Variants in EXOSC5 observed in about 807,000 individuals in gnomAD.
EXOSC5 encodes the protein exosome complex component RRP46.
EXOSC5 carries 15 observed loss-of-function variants against 23.7 expected under a neutral mutation model. The ratio of observed to expected loss-of-function variants is 0.63; its 90% CI spans 0.42 to 0.97. The LOEUF (loss-of-function observed/expected upper bound fraction) is 0.97, where lower values mean the gene tolerates loss of function less well. Among genes scored for constraint, EXOSC5 ranks in the 50% least tolerant of loss-of-function variants. EXOSC5 has a pLI of 0.00. For missense variants in EXOSC5, 305 were observed against 316.3 expected (o/e 0.96, Z 0.27); for synonymous variants, 143 against 140.9 (o/e 1.02, Z -0.11).
chr19:41,391,684 A>G, intron 3 of EXOSC5, 157 bp downstream of exon 3: 3 of 954,306 alleles, frequency 3.1e-6, no homozygotes, highest in Non-Finnish European at 4.4e-6. Flanking sequence ...TGCCTGGCAC[A>G]TAAGTAAGCA....
intron 1 of EXOSC5, among the ~76,000 whole-genome samples, chr19:41,396,971 A>G (rs907000482): frequency 5.3e-5 from 8 of 152,092 alleles, no homozygotes; most frequent in African/African-American, 1.9e-4. Flanking sequence ...ATTCTCAGAG[A>G]TAGTTACAAA....
chr19:41,392,975 T>A lies in EXOSC5; in HGVS notation c.154A>T (p.Thr52Ser). ...DGSASFLQGD[T>S]SVLAGVYGPA... ...CCGTACACACCCGCCAGGACAGAGG[T>A]GTCACCTGAGGAGACAGCAGGGAGG... Residue 52 changes from threonine to serine, a missense_variant, in exon 2 of 6, where the codon ACC becomes TCC. By Grantham distance (58) the Thr-to-Ser change is moderately conservative. Transcript: ENST00000221233. 6.2e-7 allele frequency: 1 copy of A among 1,612,918 alleles called. No individual in the cohort carries two copies. The highest frequency in any genetic ancestry group is 8.5e-7 in the Non-Finnish European group (1 of 1,179,906).
intron 1 of EXOSC5, among the ~76,000 whole-genome samples, chr19:41,396,584 G>A (rs1013700055): frequency 2.8e-4 from 42 of 150,802 alleles, no homozygotes; most frequent in Non-Finnish European, 4.7e-4. Context: ...AGGAAAAGGG[G>A]ATATTTGCTC....
chr19:41,394,895 G>A (rs562872500), intron 1 of EXOSC5, among the ~76,000 whole-genome samples: 1 of 152,096 alleles, frequency 6.6e-6, no homozygotes, highest in East Asian at 2.0e-4. Context: ...TTAGCCGGGC[G>A]CGGTGGCACG....
At chr19:41,397,082 G>A in intron 1 of EXOSC5, 99 bp downstream of exon 1, 2 of 1,379,124 alleles carry the variant, frequency 1.5e-6, no homozygotes, top group Non-Finnish European at 2.0e-6. Flanking sequence ...ATCAACGCAG[G>A]AGTGACATTT....
chr19:41,387,169 C>T (rs531050836), intron 5 of EXOSC5, among the ~76,000 whole-genome samples: 4 of 152,188 alleles, frequency 2.6e-5, no homozygotes, highest in Non-Finnish European at 5.9e-5. Context: ...GTTGGACATG[C>T]TTTTGCAGAC....
chr19:41,386,810 C>T, intron 5 of EXOSC5, 85 bp from the exon 6 acceptor site: 1 of 1,228,646 alleles, frequency 8.1e-7, no homozygotes, highest in Non-Finnish European at 1.1e-6. Context: ...CTGCTGACCC[C>T]ACCTGACTCC....
intron 3 of EXOSC5, among the ~76,000 whole-genome samples, chr19:41,390,320 C>T (rs190131969): frequency 3.7e-4 from 57 of 152,288 alleles, no homozygotes; most frequent in Admixed American, 1.3e-3. Flanking sequence ...CATCACTAAT[C>T]GGTCACAGAA....
chr19:41,396,794 A>G (rs1263121284), intron 1 of EXOSC5, among the ~76,000 whole-genome samples: 1 of 130,028 alleles, frequency 7.7e-6, no homozygotes, highest in Admixed American at 8.7e-5. Flanking sequence ...ATGCAAATAG[A>G]CAGGTTTGCT....
chr19:41,389,063 A>G (rs2039004299), intron 4 of EXOSC5, among the ~76,000 whole-genome samples: 1 of 152,144 alleles, frequency 6.6e-6, no homozygotes, highest in Non-Finnish European at 1.5e-5. Context: ...CTCCTGCCTC[A>G]GCCTCCTGAG....
chr19:41,390,227 C>A (rs184548992), intron 3 of EXOSC5, among the ~76,000 whole-genome samples: 38 of 152,326 alleles, frequency 2.5e-4, no homozygotes, highest in Admixed American at 2.2e-3. Context: ...AGCCACCACG[C>A]CCAGCCTAAG....
chr19:41,392,826 C>T (rs369980179), intron 2 of EXOSC5, 41 bp downstream of exon 2: 218 of 1,595,828 alleles, frequency 1.4e-4, no homozygotes, highest in Non-Finnish European at 1.8e-4. Context: ...GTGATTTTGA[C>T]AAACTGGGCA....
intron 1 of EXOSC5, 63 bp from the exon 2 acceptor site, chr19:41,393,043 C>T: frequency 6.9e-7 from 1 of 1,445,602 alleles, no homozygotes; most frequent in Non-Finnish European, 9.7e-7. Flanking sequence ...CCATTTGTGG[C>T]ACTGAGCCTG....
intron 1 of EXOSC5, among the ~76,000 whole-genome samples, chr19:41,395,080 C>G (rs923316615): frequency 1.3e-5 from 2 of 151,834 alleles, no homozygotes; most frequent in African/African-American, 4.8e-5. Context: ...ACCTCAGAGG[C>G]CTCCCAAAGT....
chr19:41,387,475 G>C (rs1165421883), intron 5 of EXOSC5, 39 bp downstream of exon 5: 1 of 1,502,798 alleles, frequency 6.7e-7, no homozygotes, highest in South Asian at 1.3e-5. Flanking sequence ...TCAGTGGGAA[G>C]GAAGGTTCTG....
chr19:41,397,262 C>T lies in EXOSC5; in HGVS notation c.67G>A (p.Gly23Ser), dbSNP rs759067283. The T allele has an allele frequency of 6.2e-7, 1 of 1,614,218 alleles. No homozygotes were observed. Among genetic ancestry groups the T allele is most frequent in the South Asian group, 1.1e-5 (1 of 91,092 alleles). ...AENGTGSSPR[G>S]PGCSLRHFAC... ...AAGTGCCGGAGGCTGCAGCCAGGAC[C>T]CCGAGGGCTGGACCCTGTTCCATTT... The change falls in exon 1 of 6, where the codon GGT becomes AGT. Residue 23 changes from glycine to serine, a missense_variant. Physicochemically the swap from Gly to Ser is moderately conservative, Grantham distance 56 (BLOSUM62 0). Transcript: ENST00000221233.
At chr19:41,395,583 C>T (rs1410137031) in intron 1 of EXOSC5, among the ~76,000 whole-genome samples, 2 of 152,202 alleles carry the variant, frequency 1.3e-5, no homozygotes, top group Non-Finnish European at 2.9e-5. Flanking sequence ...TCCCATGACC[C>T]GGCTGTCAGT....
chr19:41,393,501 G>A (rs1298214868), intron 1 of EXOSC5, among the ~76,000 whole-genome samples: 5 of 151,358 alleles, frequency 3.3e-5, no homozygotes, highest in African/African-American at 1.2e-4. Flanking sequence ...CTGGGCAACT[G>A]TAATCCCAAG....
In EXOSC5 at chr19:41,397,187, G is replaced by A. The variant is rs975535091; in HGVS notation, c.142C>T (p.Leu48=). The change falls in exon 1 of 6, where the codon CTG becomes TTG. Residue 48 remains leucine, a synonymous_variant. Transcript: ENST00000221233. The part of the protein sequence containing the change: ...LSRPDGSASF[L]QGDTSVLAGV... ...ACCTGGGTGAAGTTCTTACCTTGCA[G>A]GAAGGAAGCAGAGCCATCTGGCCGC... 5.0e-6 allele frequency: 8 copies of A among 1,613,834 alleles called. No individual in the cohort carries two copies. The highest frequency in any genetic ancestry group is 2.7e-5 in the African/African-American group (2 of 74,934).
Sources: gnomAD v4.1 joint callset for allele counts (sites outside exome capture counted in the v4.1 genomes callset) on GRCh38, gnomAD v4.1.1 for gene constraint, MANE v1.5 for transcripts, NCBI Gene and HGNC (gene_info 2026-07-23, HGNC 2026-07-21) for gene names.